The following SETBP1 variants were observed in gnomAD, a reference collection of about 807,000 sequenced individuals.
SETBP1 encodes the protein SET-binding protein.
Under a neutral mutation model 101.0 loss-of-function variants are expected in SETBP1, and 9 were observed. The ratio of observed to expected loss-of-function variants is 0.09; its 90% CI spans 0.05 to 0.16. The LOEUF is 0.16. Among genes scored for constraint, SETBP1 ranks in the 10% least tolerant of loss-of-function variants. SETBP1 has a pLI of 1.00. For missense variants in SETBP1, 1,858 were observed against 2,033.8 expected (o/e 0.91, Z 1.66); for synonymous variants, 818 against 788.5 (o/e 1.04, Z -0.63).
In SETBP1 at chr18:44,832,607, G is replaced by A. The variant is rs557213004; in HGVS notation, c.487-36623G>A. Among the ~76,000 whole-genome samples the A allele has an allele frequency of 5.3e-5, 8 of 152,312 alleles. No individual in the cohort carries two copies. The East Asian group carries it at 1.3e-3, about 26-fold the overall frequency. On this transcript the variant is annotated intron_variant, in intron 2 of 5. Coordinates refer to ENST00000649279, the MANE Select transcript of SETBP1 (RefSeq NM_015559.3). Reference sequence around the variant, plus strand: ...AGCATCAGGATATTTGCTAGGTAATGCTGACATCCCCAAACTCGGTGCCCT... The same window carrying A: ...AGCATCAGGATATTTGCTAGGTAATACTGACATCCCCAAACTCGGTGCCCT...
chr18:44,698,270 C>G (rs1301702786), intron 1 of SETBP1, among the ~76,000 whole-genome samples: 2 of 152,128 alleles, frequency 1.3e-5, no homozygotes, highest in Admixed American at 6.5e-5. Flanking sequence ...TCCCTTAATC[C>G]AACCCTCACA....
intron 4 of SETBP1, among the ~76,000 whole-genome samples, chr18:45,035,878 G>A (rs1310542252): frequency 6.6e-6 from 1 of 152,164 alleles, no homozygotes; most frequent in East Asian, 1.9e-4. Context: ...TGCCTGCTCT[G>A]CCCATTATCA....
At chr18:44,767,918 G>A (rs1322465680) in intron 2 of SETBP1, among the ~76,000 whole-genome samples, 1 of 152,218 alleles carries the variant, frequency 6.6e-6, no homozygotes, top group African/African-American at 2.4e-5. Context: ...TTTTGAAACA[G>A]TGTCCTGAGA....
intron 2 of SETBP1, among the ~76,000 whole-genome samples, chr18:44,828,274 C>A (rs1281719166): frequency 6.6e-6 from 1 of 152,042 alleles, no homozygotes; most frequent in Admixed American, 6.5e-5. Context: ...TGTTGAAATG[C>A]GGTGAAACAG....
chr18:44,967,329 G>C (rs568857843), intron 4 of SETBP1, among the ~76,000 whole-genome samples: 1 of 152,190 alleles, frequency 6.6e-6, no homozygotes, highest in Non-Finnish European at 1.5e-5. Flanking sequence ...GGACTGTCAC[G>C]GCAAGAATGT....
intron 3 of SETBP1, among the ~76,000 whole-genome samples, chr18:44,932,395 G>A (rs1035907021): frequency 1.3e-5 from 2 of 152,176 alleles, no homozygotes; most frequent in Non-Finnish European, 2.9e-5. Flanking sequence ...TTCAACTTAG[G>A]TGAATCTGAC....
intron 2 of SETBP1, among the ~76,000 whole-genome samples, chr18:44,748,970 C>T: frequency 6.6e-6 from 1 of 152,180 alleles, no homozygotes; most frequent in East Asian, 1.9e-4. Context: ...ATCATTTCTA[C>T]TCTGTTGTAA....
intron 5 of SETBP1, 139 bp from the exon 6 acceptor site, chr18:45,062,940 C>A: frequency 1.9e-6 from 2 of 1,064,786 alleles, no homozygotes; most frequent in Non-Finnish European, 2.7e-6. Flanking sequence ...AATAATGCAT[C>A]TTGGGCACGG....
intron 3 of SETBP1, among the ~76,000 whole-genome samples, chr18:44,926,435 G>A (rs1177516377): frequency 1.3e-5 from 2 of 152,206 alleles, no homozygotes; most frequent in African/African-American, 2.4e-5. Flanking sequence ...ATCAGGAAGT[G>A]CCGCAGAAAG....
intron 2 of SETBP1, among the ~76,000 whole-genome samples, chr18:44,843,908 C>T (rs1482066944): frequency 4.6e-5 from 7 of 152,198 alleles, no homozygotes; most frequent in Admixed American, 4.6e-4. Context: ...TCCCAACAGA[C>T]AGAGAGAGGA....
intron 3 of SETBP1, among the ~76,000 whole-genome samples, chr18:44,887,932 G>C (rs80008719): frequency 6.6e-6 from 1 of 152,050 alleles, no homozygotes; most frequent in Non-Finnish European, 1.5e-5. Flanking sequence ...TCCAAAATAC[G>C]AGGGCTCAGT....
intron 3 of SETBP1, among the ~76,000 whole-genome samples, chr18:44,912,481 TG>T (rs1315510737): frequency 6.6e-6 from 1 of 152,142 alleles, no homozygotes; most frequent in African/African-American, 2.4e-5. Flanking sequence ...GGAAACTTTT[TG>T]TTTTTTTTGT....
chr18:44,799,112 A>G (rs1196224427), intron 2 of SETBP1, among the ~76,000 whole-genome samples: 1 of 152,210 alleles, frequency 6.6e-6, no homozygotes, highest in Non-Finnish European at 1.5e-5. Flanking sequence ...TATGTGTTGG[A>G]GAAGTAAAAT....
chr18:44,759,368 A>G (rs1235209071), intron 2 of SETBP1, among the ~76,000 whole-genome samples: 1 of 152,204 alleles, frequency 6.6e-6, no homozygotes, highest in Non-Finnish European at 1.5e-5. Flanking sequence ...TACGTTCAAC[A>G]TGTAAAGCAT....
At chr18:44,837,187 C>A (rs1178741850) in intron 2 of SETBP1, among the ~76,000 whole-genome samples, 1 of 152,184 alleles carries the variant, frequency 6.6e-6, no homozygotes, top group Non-Finnish European at 1.5e-5. Context: ...TTGCTATGCA[C>A]TCCTTTTTTC....
chr18:44,922,984 G>C (rs2070615976), intron 3 of SETBP1, among the ~76,000 whole-genome samples: 1 of 152,148 alleles, frequency 6.6e-6, no homozygotes, highest in Non-Finnish European at 1.5e-5. Context: ...CCACAGGTTG[G>C]TTCTCAAACC....
intron 3 of SETBP1, among the ~76,000 whole-genome samples, chr18:44,880,260 G>T (rs868001467): frequency 6.6e-6 from 1 of 152,294 alleles, no homozygotes; most frequent in Middle Eastern, 3.4e-3. Context: ...GGCATTGGGG[G>T]AGTGAGAGGG....
In SETBP1 at chr18:44,837,245, A is replaced by G. The variant is rs142834800; in HGVS notation, c.487-31985A>G. On this transcript the variant is annotated intron_variant, in intron 2 of 5. Coordinates refer to ENST00000649279, the MANE Select transcript of SETBP1 (RefSeq NM_015559.3). ...CAAGTAGAAAGTGTGAACTGAGCAC[A>G]GAATAAGAGTGCTTCATTCTGGCTG... Among the ~76,000 whole-genome samples, 19 of 152,332 alleles carry G rather than the reference A, an allele frequency of 1.2e-4. No individual in the cohort carries two copies. The East Asian group carries it at 3.7e-3, about 29-fold the overall frequency.
At chr18:44,715,497 G>A (rs2069442871) in intron 2 of SETBP1, among the ~76,000 whole-genome samples, 1 of 152,018 alleles carries the variant, frequency 6.6e-6, no homozygotes, top group Non-Finnish European at 1.5e-5. Context: ...CTAGCCTGAG[G>A]CCTGAGGGGA....
Sources: allele counts gnomAD v4.1 joint callset (sites outside exome capture counted in the v4.1 genomes callset), GRCh38; gene constraint gnomAD v4.1.1; transcripts MANE v1.5; gene names NCBI Gene and HGNC (gene_info 2026-07-23, HGNC 2026-07-21).